The following EML1 variants were observed in gnomAD, a reference collection of about 807,000 sequenced individuals.
EML1 encodes the protein EMAP like 1.
Under a neutral mutation model 110.4 loss-of-function variants are expected in EML1, and 27 were observed. That is an observed-to-expected ratio of 0.24 (90% confidence interval 0.18 to 0.34). EML1 has a LOEUF of 0.34. Among genes scored for constraint, EML1 ranks in the 10% least tolerant of loss-of-function variants. EML1 has a pLI of 1.00. For synonymous variants in EML1, 344 were observed against 385.8 expected, an observed-to-expected ratio of 0.89 and a Z score of 1.27; for missense variants, 741 against 1,030.9, an observed-to-expected ratio of 0.72 and a Z score of 3.85.
At chr14:99,897,327 A>C in intron 7 of EML1, 33 bp downstream of exon 7, 1 of 1,556,252 alleles carries the variant, frequency 6.4e-7, no homozygotes, top group Non-Finnish European at 8.7e-7. Flanking sequence ...CCTGCGACTC[A>C]GAAGGCGAAG....
At chr14:99,748,476 T>G (rs1181164181) in intron 1 of EML1, among the ~76,000 whole-genome samples, 1 of 151,896 alleles carries the variant, frequency 6.6e-6, no homozygotes, top group Non-Finnish European at 1.5e-5. Context: ...ATTATATAAT[T>G]CACACATTTA....
chr14:99,840,540 T>C (rs2058616406), intron 1 of EML1, among the ~76,000 whole-genome samples: 1 of 152,188 alleles, frequency 6.6e-6, no homozygotes, highest in Admixed American at 6.5e-5. Context: ...ACCACAAAGC[T>C]TAGGCCCTGA....
rs958672719 is a variant in EML1 at position 99,784,772 on chromosome 14, G to T, written c.-27+10759G>T. ...GAGCTGGCTTCACCAGGCTGACAAG[G>T]TCTCACCTTCATAAGATAAGCTGTA... On this transcript the variant is annotated intron_variant, in intron 1 of 22. Coordinates refer to the EML1 transcript ENST00000327921. This position sits in a 1 kb window ranked among gnomAD's most constrained non-coding sequence, Gnocchi z 4.5. 6.6e-6 allele frequency among the ~76,000 whole-genome samples: 1 copy of T among 152,242 alleles called. No homozygotes were observed. The highest frequency in any genetic ancestry group is 1.5e-5 in the Non-Finnish European group (1 of 68,046).
At chr14:99,761,629 T>C (rs2057314735) in intron 1 of EML1, among the ~76,000 whole-genome samples, 1 of 152,016 alleles carries the variant, frequency 6.6e-6, no homozygotes, top group African/African-American at 2.4e-5. Flanking sequence ...CTTTTAGGAC[T>C]GGGGGCAAAA....
chr14:99,836,206 T>TTTACTA (rs1555394386), intron 1 of EML1, among the ~76,000 whole-genome samples: 3 of 151,628 alleles, frequency 2.0e-5, no homozygotes, highest in African/African-American at 7.3e-5. Flanking sequence ...TTTAATTTCT[T>TTTACTA]TTATTATGTT....
At chr14:99,744,554 CTTTG>C (rs994911174) in intron 1 of EML1, among the ~76,000 whole-genome samples, 2 of 152,294 alleles carry the variant, frequency 1.3e-5, no homozygotes, top group Middle Eastern at 3.4e-3. Context: ...CCGTCTGTTT[CTTTG>C]TTTGTTTTTC....
chr14:99,779,406 T>G (rs1242392062), intron 1 of EML1, among the ~76,000 whole-genome samples: 1 of 152,242 alleles, frequency 6.6e-6, no homozygotes, highest in African/African-American at 2.4e-5. Context: ...AATAATAGTT[T>G]TATTTCCTTC....
At chr14:99,795,963 A>T (rs1277333628) in intron 1 of EML1, among the ~76,000 whole-genome samples, 1 of 152,112 alleles carries the variant, frequency 6.6e-6, no homozygotes, top group African/African-American at 2.4e-5. Flanking sequence ...AGGCGGGAGG[A>T]TTACTTGCAG....
chr14:99,796,936 T>TGTGTGTGTGTGTGAGAGA lies in EML1; in HGVS notation c.67+3394_67+3395insTGTGTGTGTGTGAGAGAG, dbSNP rs368044152. 2.0e-3 allele frequency among the ~76,000 whole-genome samples: 301 copies of TGTGTGTGTGTGTGAGAGA among 150,130 alleles called. 2 individuals are homozygous for TGTGTGTGTGTGTGAGAGA. The highest frequency in any genetic ancestry group is 4.8e-3 in the African/African-American group (196 of 40,868). On this transcript the variant is annotated intron_variant, in intron 1 of 21. Coordinates refer to ENST00000262233, the MANE Select transcript of EML1 (RefSeq NM_004434.3). ...GTGTGTGTGTGTGTGTGTGTGTGTG[T>TGTGTGTGTGTGTGAGAGA]GAGAGAGTAATAGCTTTATTGAAAT...
intron 1 of EML1, among the ~76,000 whole-genome samples, chr14:99,795,980 G>GT (rs1487810429): frequency 3.3e-5 from 5 of 152,132 alleles, no homozygotes; most frequent in Non-Finnish European, 7.3e-5. Context: ...GCAGCCAAGA[G>GT]TTTGAGAGCA....
intron 1 of EML1, among the ~76,000 whole-genome samples, chr14:99,846,256 G>A (rs1031892613): frequency 6.8e-6 from 1 of 147,424 alleles, no homozygotes; most frequent in Non-Finnish European, 1.5e-5. Flanking sequence ...TGCTTGGAAT[G>A]CCATTCTTAT....
chr14:99,815,204 C>G (rs919985184), intron 1 of EML1, among the ~76,000 whole-genome samples: 16 of 145,252 alleles, frequency 1.1e-4, no homozygotes, highest in South Asian at 2.2e-4. Context: ...TGCAGTGGCG[C>G]GATCTCGGCT....
chr14:99,787,168 T>C (rs1308261159), intron 1 of EML1, among the ~76,000 whole-genome samples: 1 of 152,010 alleles, frequency 6.6e-6, no homozygotes, highest in East Asian at 1.9e-4. Context: ...TCTTATTTTG[T>C]AGAGTAACAA....
intron 6 of EML1, among the ~76,000 whole-genome samples, chr14:99,895,134 A>G (rs976144192): frequency 3.3e-5 from 5 of 152,096 alleles, no homozygotes; most frequent in African/African-American, 1.2e-4. Context: ...TTCTGGTCCG[A>G]ATTTTATTCT....
chr14:99,853,452 T>A (rs2058847568), intron 2 of EML1, among the ~76,000 whole-genome samples: 1 of 152,028 alleles, frequency 6.6e-6, no homozygotes, highest in Admixed American at 6.5e-5. Flanking sequence ...TGTGCTCATC[T>A]TTGAGGCAGC....
At chr14:99,763,582 A>G (rs2057337388) in intron 1 of EML1, among the ~76,000 whole-genome samples, 1 of 152,096 alleles carries the variant, frequency 6.6e-6, no homozygotes, top group African/African-American at 2.4e-5. Context: ...GGCTCCCTGA[A>G]ATTATTTGTA....
chr14:99,889,716 A>G (rs1014213101), intron 4 of EML1, among the ~76,000 whole-genome samples: 4 of 152,168 alleles, frequency 2.6e-5, no homozygotes, highest in African/African-American at 4.8e-5. Context: ...AGCAGGGAAT[A>G]TAGTGAAGGG....
chr14:99,897,076 C>A, intron 6 of EML1, 69 bp from the exon 7 acceptor site: 1 of 1,373,148 alleles, frequency 7.3e-7, no homozygotes, highest in Non-Finnish European at 9.7e-7. Flanking sequence ...TTGCCTGTGC[C>A]TGTTGAATAA....
In EML1 at chr14:99,844,072, A is replaced by C. The variant is rs552368758; in HGVS notation, c.68-6781A>C. On this transcript the variant is annotated intron_variant, in intron 1 of 21. Coordinates refer to ENST00000262233, the MANE Select transcript of EML1 (RefSeq NM_004434.3). ...ATTCACAAGAAGTTACATAGCACTT[A>C]AGGACAGTCTCTTTCCCTTGAGCAA... is the stretch of plus-strand genomic sequence containing the variant. Among the ~76,000 whole-genome samples, 24 of 152,340 alleles carry C rather than the reference A, an allele frequency of 1.6e-4. No homozygotes were observed. The South Asian group carries it at 4.8e-3, about 30-fold the overall frequency.
Sources: gnomAD v4.1 joint callset for allele counts (sites outside exome capture counted in the v4.1 genomes callset) on GRCh38, gnomAD v4.1.1 for gene constraint, Gnocchi (gnomAD v3.1) non-coding constraint, MANE v1.5 for transcripts, NCBI Gene and HGNC (gene_info 2026-07-23, HGNC 2026-07-21) for gene names.